The following MYO9A variants were observed in gnomAD, a reference collection of about 807,000 sequenced individuals.
The protein encoded by MYO9A is unconventional myosin-IXa.
MYO9A carries 103 observed loss-of-function variants against 293.3 expected under a neutral mutation model. The ratio of observed to expected loss-of-function variants is 0.35; its 90% CI spans 0.30 to 0.41. The LOEUF is 0.41. Ranked by LOEUF, MYO9A falls within the 10% of genes least tolerant of loss-of-function variation. MYO9A has a pLI of 1.00. For missense variants in MYO9A, 2,685 were observed against 3,033.0 expected (o/e 0.89, Z 2.69); for synonymous variants, 1,001 against 1,035.7 (o/e 0.97, Z 0.64).
rs763315420 is a variant in MYO9A, at chr15:71,826,755, CCTCTGCTGA to C, written c.7463_7471del (p.Ile2488_Gly2491delinsArg). On this transcript the variant is annotated inframe_deletion, in exon 42 of 42. Transcript: ENST00000356056. Reference sequence around the variant, plus strand: ...TTTGCCCTTTTCCGGGTTGAAGGTTCCTCTGCTGATGAACTGAGGCTTGTCTTCCAGGAA... The same window carrying C: ...TTTGCCCTTTTCCGGGTTGAAGGTTCTGAACTGAGGCTTGTCTTCCAGGAA... The C allele has an allele frequency of 2.5e-6, 4 of 1,614,124 alleles. No individual in the cohort carries two copies. The South Asian group carries it at 4.4e-5, about 18-fold the overall frequency.
At position 71,938,862 on chromosome 15, in the gene MYO9A, T is replaced by C. The variant is rs764452732; in HGVS notation, c.2368A>G (p.Lys790Glu). 1.9e-6 allele frequency: 3 copies of C among 1,609,478 alleles called. No homozygotes were observed. In the East Asian group the frequency reaches 6.7e-5, roughly 36 times the overall value. Reference sequence around the variant, plus strand: ...ACCAAACACACTTACTGTTGGTTTTTTTCATTTAGAGCATTCATGCCCTGG... The same window carrying C: ...ACCAAACACACTTACTGTTGGTTTTCTTCATTTAGAGCATTCATGCCCTGG... ...DLQGMNALNE[K>E]NQHDTFDIAW... is the part of the protein sequence containing the mutation. Residue 790 changes from lysine (K) to glutamate (E), a missense_variant, in exon 16 of 42, where the codon AAA becomes GAA. Transcript: ENST00000356056.
At chr15:71,901,816 T>C (rs780690903) in intron 22 of MYO9A, among the ~76,000 whole-genome samples, 6 of 152,166 alleles carry the variant, frequency 3.9e-5, no homozygotes, top group Non-Finnish European at 7.4e-5. Context: ...TGGTAATAAG[T>C]CATATTTTTC....
chr15:72,087,048 G>A (rs1375272192), intron 1 of MYO9A, among the ~76,000 whole-genome samples: 3 of 152,182 alleles, frequency 2.0e-5, no homozygotes, highest in Non-Finnish European at 4.4e-5. Context: ...TTACAGGCAT[G>A]AGCCACCGCC....
At chr15:72,071,454 A>G (rs1190261864) in intron 1 of MYO9A, among the ~76,000 whole-genome samples, 1 of 152,164 alleles carries the variant, frequency 6.6e-6, no homozygotes, top group African/African-American at 2.4e-5. Context: ...AGAAATATAA[A>G]TTAGGGTCAG....
chr15:72,008,793 T>C (rs2077092725), intron 7 of MYO9A, among the ~76,000 whole-genome samples: 1 of 152,160 alleles, frequency 6.6e-6, no homozygotes, highest in Non-Finnish European at 1.5e-5. Flanking sequence ...GAAAAACTCT[T>C]CCTCAGTCTC....
chr15:71,999,690 A>G (rs752141442), intron 9 of MYO9A, among the ~76,000 whole-genome samples, 161 bp downstream of exon 9: 4 of 152,214 alleles, frequency 2.6e-5, no homozygotes, highest in Non-Finnish European at 5.9e-5. Context: ...AAGTTTCTAA[A>G]TCAATGGAAA....
intron 11 of MYO9A, among the ~76,000 whole-genome samples, chr15:71,984,627 A>G (rs1367900900): frequency 6.6e-6 from 1 of 152,076 alleles, no homozygotes; most frequent in Non-Finnish European, 1.5e-5. Flanking sequence ...TCTCTTTCTT[A>G]TCTTCATTCA....
intron 1 of MYO9A, among the ~76,000 whole-genome samples, chr15:72,051,641 G>C (rs1302451930): frequency 1.3e-5 from 2 of 152,144 alleles, no homozygotes; most frequent in Non-Finnish European, 2.9e-5. Flanking sequence ...AGAAAGGTTG[G>C]GTCCGAGACT....
chr15:72,070,128 CAAAAAAAA>C (rs936332297), intron 1 of MYO9A, among the ~76,000 whole-genome samples: 18 of 49,018 alleles, frequency 3.7e-4, no homozygotes, highest in South Asian at 2.1e-3. Context: ...GACTATGTCT[CAAAAAAAA>C]AAAAAAAAAA....
At chr15:72,060,322 T>A (rs2078843800) in intron 1 of MYO9A, among the ~76,000 whole-genome samples, 1 of 152,162 alleles carries the variant, frequency 6.6e-6, no homozygotes, top group Non-Finnish European at 1.5e-5. Flanking sequence ...GTTTTGTACT[T>A]TTTATACTGT....
chr15:71,893,379 T>TGGAA (rs2057233487), intron 26 of MYO9A: 1 of 424,974 alleles, frequency 2.4e-6, no homozygotes, highest in South Asian at 2.3e-5. Context: ...AGGACTAGAA[T>TGGAA]GGAAGCTAAA....
At chr15:71,979,961 T>C (rs2147906720) in intron 11 of MYO9A, among the ~76,000 whole-genome samples, 1 of 152,334 alleles carries the variant, frequency 6.6e-6, no homozygotes, top group Non-Finnish European at 1.5e-5. Context: ...TGAGAATCAC[T>C]GCTGTAGAGT....
intron 18 of MYO9A, among the ~76,000 whole-genome samples, chr15:71,927,456 C>T (rs559508857): frequency 5.7e-4 from 87 of 152,194 alleles, no homozygotes; most frequent in African/African-American, 2.0e-3. Context: ...GAGTTTTCCC[C>T]GTATGTTTTA....
intron 1 of MYO9A, among the ~76,000 whole-genome samples, chr15:72,075,487 C>T (rs748873174): frequency 2.6e-5 from 4 of 151,758 alleles, no homozygotes; most frequent in South Asian, 2.1e-4. Context: ...TATTTTGTCA[C>T]AGAAGAAGAA....
intron 19 of MYO9A, among the ~76,000 whole-genome samples, chr15:71,913,710 GACAAACATTTTTCTTA>G (rs1156619232): frequency 6.6e-6 from 1 of 152,100 alleles, no homozygotes; most frequent in African/African-American, 2.4e-5. Context: ...TTTAAAGAGT[GACAAACATTTTTCTTA>G]ACATGCTGTT....
Position 71,830,301 on chromosome 15 carries a change from C to T in MYO9A, c.6848G>A (p.Arg2283His), listed in dbSNP as rs142345927. Residue 2283 changes from arginine (R) to histidine (H), a missense_variant, in exon 40 of 42, where the codon CGT (arginine) becomes CAT (histidine). Physicochemically the swap from Arg to His is conservative, Grantham distance 29. Transcript: ENST00000356056. ...ACCTGGATAGTTTCCTCGACGAATA[C>T]GCCCCTTTCCCTGCAGAGAAAAATT... ...SLIRRSMGKGRIRRGNYPGPS... is the reference protein window; with the variant it reads ...SLIRRSMGKGHIRRGNYPGPS... The T allele has an allele frequency of 3.1e-3, 5,019 of 1,613,312 alleles. 15 individuals are homozygous for T. Among genetic ancestry groups the T allele is most frequent in the Non-Finnish European group, 3.6e-3 (4,300 of 1,179,812 alleles).
chr15:71,902,509 A>C (rs2057514502), intron 22 of MYO9A, among the ~76,000 whole-genome samples: 1 of 152,164 alleles, frequency 6.6e-6, no homozygotes, highest in Non-Finnish European at 1.5e-5. Context: ...AAGCGATGTA[A>C]GAATCTCTTT....
chr15:72,115,613 C>G (rs1284984853), intron 1 of MYO9A, among the ~76,000 whole-genome samples: 1 of 152,194 alleles, frequency 6.6e-6, no homozygotes, highest in Non-Finnish European at 1.5e-5. Context: ...TAGTCTTATT[C>G]TACTCTTCAA....
intron 14 of MYO9A, among the ~76,000 whole-genome samples, chr15:71,952,396 C>T (rs1191826832): frequency 6.6e-6 from 1 of 152,072 alleles, no homozygotes; most frequent in Non-Finnish European, 1.5e-5. Context: ...AAGAAAAGCA[C>T]CATAGAGCAG....
Sources: gnomAD v4.1 joint callset for allele counts (sites outside exome capture counted in the v4.1 genomes callset) on GRCh38, gnomAD v4.1.1 for gene constraint, MANE v1.5 for transcripts, NCBI Gene and HGNC (gene_info 2026-07-23, HGNC 2026-07-21) for gene names.